The following ATR variants were observed in gnomAD, a reference collection of about 807,000 sequenced individuals.
ATR encodes the protein ATR checkpoint kinase.
ATR carries 142 observed loss-of-function variants against 305.3 expected under a neutral mutation model. The ratio of observed to expected loss-of-function variants is 0.47; its 90% CI spans 0.41 to 0.53. The LOEUF (loss-of-function observed/expected upper bound fraction) is 0.53, where lower values mean the gene tolerates loss of function less well. Among genes scored for constraint, ATR ranks in the 20% least tolerant of loss-of-function variants. The pLI, the probability that ATR is intolerant of heterozygous loss-of-function variation, is 0.00. For synonymous variants in ATR, 1,050 were observed against 1,068.1 expected, an observed-to-expected ratio of 0.98 and a Z score of 0.33; for missense variants, 2,135 against 3,133.1, an observed-to-expected ratio of 0.68 and a Z score of 7.60.
Position 142,524,081 on chromosome 3 carries a change from C to G in ATR, c.4064G>C (p.Gly1355Ala). 1 of 1,614,094 alleles carries G rather than the reference C, an allele frequency of 6.2e-7. No individual in the cohort carries two copies. The highest frequency in any genetic ancestry group is 8.5e-7 in the Non-Finnish European group (1 of 1,180,006). Residue 1355 changes from glycine (G) to alanine (A), a missense_variant, in exon 22 of 47, where the codon GGG (glycine) becomes GCG (alanine). By Grantham distance (60) the Gly-to-Ala change is moderately conservative. Transcript: ENST00000350721. ...DANSQARLLC[G>A]ECLGELGAID... ...CGCCCCCAATTCCCCTAAACATTCC[C>G]CACAGAGCAACCGAGCTTGAGAGTT... is the stretch of plus-strand genomic sequence containing the variant.
intron 21 of ATR, among the ~76,000 whole-genome samples, chr3:142,528,885 T>G (rs1196022814): frequency 3.7e-5 from 3 of 81,354 alleles, no homozygotes. Flanking sequence ...ATATATTTTT[T>G]TTTTTTTTTT....
At chr3:142,528,424 T>C (rs1450506060) in intron 21 of ATR, among the ~76,000 whole-genome samples, 1 of 152,166 alleles carries the variant, frequency 6.6e-6, no homozygotes, top group African/African-American at 2.4e-5. Flanking sequence ...TTATGAATTA[T>C]GGCATTAAGC....
chr3:142,553,566 T>C, intron 12 of ATR, 74 bp downstream of exon 12: 1 of 1,484,258 alleles, frequency 6.7e-7, no homozygotes, highest in Non-Finnish European at 9.3e-7. Flanking sequence ...ATATCACCAT[T>C]TTTAACAGCA....
At chr3:142,518,511 T>G (rs2033005859) in intron 24 of ATR, among the ~76,000 whole-genome samples, 1 of 152,206 alleles carries the variant, frequency 6.6e-6, no homozygotes, top group South Asian at 2.1e-4. Flanking sequence ...AGTGAGACTC[T>G]GTCTCAAAAA....
chr3:142,564,898 T>C (rs1473442027), intron 3 of ATR, among the ~76,000 whole-genome samples: 1 of 152,036 alleles, frequency 6.6e-6, no homozygotes, highest in Admixed American at 6.6e-5. Context: ...ACCACAGGCA[T>C]GTGCCACCAT....
intron 18 of ATR, among the ~76,000 whole-genome samples, chr3:142,538,849 T>C (rs2033953336): frequency 6.6e-6 from 1 of 151,816 alleles, no homozygotes; most frequent in Non-Finnish European, 1.5e-5. Context: ...GCAGAATTAA[T>C]AATAAAAAAA....
intron 16 of ATR, among the ~76,000 whole-genome samples, chr3:142,545,240 T>C (rs2034222289): frequency 6.6e-6 from 1 of 152,070 alleles, no homozygotes; most frequent in South Asian, 2.1e-4. Context: ...GTAAACAAAG[T>C]TGTGATAATG....
intron 16 of ATR, among the ~76,000 whole-genome samples, chr3:142,543,649 T>C (rs1289440053): frequency 6.6e-6 from 1 of 151,690 alleles, no homozygotes; most frequent in Non-Finnish European, 1.5e-5. Flanking sequence ...TTTCCTCCTT[T>C]CTCTCTCTTT....
At chr3:142,468,225 CA>C (rs1329927694) in intron 38 of ATR, among the ~76,000 whole-genome samples, 157 bp from the exon 39 acceptor site, 1 of 151,892 alleles carries the variant, frequency 6.6e-6, no homozygotes, top group Non-Finnish European at 1.5e-5. Flanking sequence ...TATCAAGAGC[CA>C]TACAAATATT....
rs375372282 is a variant in ATR, at chr3:142,478,739, G to A, written c.6221+6401C>T. Among the ~76,000 whole-genome samples the A allele has an allele frequency of 7.9e-5, 12 of 152,268 alleles. No individual in the cohort carries two copies. In the South Asian group the frequency reaches 1.0e-3, roughly 13 times the overall value. ...TGTGCGAGTCTAAGTCTCTTTGTGGGTCTCTTGGACTTGCTTTATGAATCT... is the reference window on the plus strand; with the variant it reads ...TGTGCGAGTCTAAGTCTCTTTGTGGATCTCTTGGACTTGCTTTATGAATCT... On this transcript the variant is annotated intron_variant, in intron 36 of 46. Transcript: ENST00000350721.
At position 142,469,312 on chromosome 3, in the gene ATR, ATAAAAAGG is replaced by A. The variant is rs757052916; in HGVS notation, c.6552+17_6552+24del. The A allele has an allele frequency of 6.7e-5, 105 of 1,568,692 alleles. No individual in the cohort carries two copies. Among genetic ancestry groups the A allele is most frequent in the Non-Finnish European group, 9.0e-5 (103 of 1,142,028 alleles). ...ATAAAATGGTAAAAGATCTTTTCAT[ATAAAAAGG>A]TAAAAGACCCTTTTACCTTTGACAC... On this transcript the variant is annotated intron_variant, in intron 38 of 46. Coordinates refer to ENST00000350721, the MANE Select transcript of ATR (RefSeq NM_001184.4).
intron 16 of ATR, among the ~76,000 whole-genome samples, chr3:142,544,965 G>T (rs1421136342): frequency 6.6e-6 from 1 of 152,168 alleles, no homozygotes. Context: ...CTAATTGTAT[G>T]GTTCTAGCCT....
chr3:142,505,374 C>T, intron 28 of ATR, 71 bp from the exon 29 acceptor site: 3 of 1,572,726 alleles, frequency 1.9e-6, no homozygotes, highest in Non-Finnish European at 2.6e-6. Flanking sequence ...TATAAAACCA[C>T]CTGTTTATAT....
chr3:142,467,649 C>T (rs1375932650), intron 39 of ATR, among the ~76,000 whole-genome samples: 1 of 152,000 alleles, frequency 6.6e-6, no homozygotes, highest in Non-Finnish European at 1.5e-5. Flanking sequence ...TTCATATTCT[C>T]TACTAAAAAT....
chr3:142,543,375 T>C (rs1002281956), intron 16 of ATR, among the ~76,000 whole-genome samples: 4 of 130,916 alleles, frequency 3.1e-5, no homozygotes, highest in Non-Finnish European at 6.9e-5. Flanking sequence ...TCCGTCCCTC[T>C]TTTCCTCCCT....
Position 142,554,132 on chromosome 3 carries a change from A to C in ATR, c.2342-117T>G, listed in dbSNP as rs1371564717. 3 of 853,490 alleles carry C rather than the reference A, an allele frequency of 3.5e-6. No individual in the cohort carries two copies. The African/African-American group carries it at 5.2e-5, about 15-fold the overall frequency. The allele number at this position is 853,490 out of a possible 1,614,324, so 52.9% of individuals were successfully genotyped here. Reference sequence around the variant, plus strand: ...GAATCCTAAGTTCTCTTATAATGTCAATGTTTCATATTTAAGTATGTATAG... The same window carrying C: ...GAATCCTAAGTTCTCTTATAATGTCCATGTTTCATATTTAAGTATGTATAG... On this transcript the variant is annotated intron_variant, in intron 10 of 46. Transcript: ENST00000350721.
intron 18 of ATR, 42 bp from the exon 19 acceptor site, chr3:142,538,667 A>C (rs2108433337): frequency 1.9e-6 from 3 of 1,608,638 alleles, no homozygotes; most frequent in Non-Finnish European, 2.6e-6. Flanking sequence ...AATTACTTTT[A>C]TTATTTGTAA....
chr3:142,545,215 A>G (rs1471138644), intron 16 of ATR, among the ~76,000 whole-genome samples: 1 of 152,010 alleles, frequency 6.6e-6, no homozygotes, highest in Non-Finnish European at 1.5e-5. Context: ...AAGACACTAA[A>G]TAAGTAGTAA....
rs2108260511 is a variant in ATR, at chr3:142,459,077, C to T, written c.7384G>A (p.Ala2462Thr). Reference protein sequence around the residue: ...SSRSAYCRSTAVMSMVGYILG... With the variant: ...SSRSAYCRSTTVMSMVGYILG... ...ATATAACCAACCATTGACATTACTG[C>T]AGTGGAACGGCAGTAAGCTGATCTA... is the stretch of plus-strand genomic sequence containing the variant. The change falls in exon 44 of 47, where the codon GCA (alanine) becomes ACA (threonine). Residue 2462 changes from alanine to threonine, a missense_variant. Coordinates refer to ENST00000350721, the MANE Select transcript of ATR (RefSeq NM_001184.4). 6.2e-7 allele frequency: 1 copy of T among 1,614,000 alleles called. No homozygotes were observed. Among genetic ancestry groups the T allele is most frequent in the South Asian group, 1.1e-5 (1 of 91,072 alleles).
Sources: allele counts gnomAD v4.1 joint callset (sites outside exome capture counted in the v4.1 genomes callset), GRCh38; gene constraint gnomAD v4.1.1; transcripts MANE v1.5; gene names NCBI Gene and HGNC (gene_info 2026-07-23, HGNC 2026-07-21).